Variants in ZNF541 observed in about 807,000 individuals in gnomAD.
The protein encoded by ZNF541 is zinc finger protein 541.
ZNF541 carries 23 observed loss-of-function variants against 123.5 expected under a neutral mutation model. That is an observed-to-expected ratio of 0.19 (90% confidence interval 0.13 to 0.26). ZNF541 has a LOEUF of 0.26. Among genes scored for constraint, ZNF541 ranks in the 10% least tolerant of loss-of-function variants. The pLI, the probability that ZNF541 is intolerant of heterozygous loss-of-function variation, is 1.00. For missense variants in ZNF541, 1,612 were observed against 1,789.9 expected, an observed-to-expected ratio of 0.90 and a Z score of 1.79; for synonymous variants, 751 against 754.5, an observed-to-expected ratio of 1.00 and a Z score of 0.08.
At chr19:47,556,696 A>C (rs960786652) in intron 2 of ZNF541, among the ~76,000 whole-genome samples, 2 of 152,072 alleles carry the variant, frequency 1.3e-5, no homozygotes, top group African/African-American at 4.8e-5. Context: ...CTTTGTACCC[A>C]AAAAAGTCAA....
In ZNF541 at chr19:47,545,281, G is replaced by C. The variant is rs1166517508; in HGVS notation, c.1248C>G (p.Leu416=). ...SQPSSHSFQW[L]RNLPGCPKSK... ...TTTTGGGACAGCCCGGCAGGTTCCG[G>C]AGCCACTGGAAGCTGTGGCTCGATG... The change falls in exon 5 of 17, where the codon CTC becomes CTG. Residue 416 remains leucine, a synonymous_variant. Transcript: ENST00000391901. The surrounding 1 kb of genome is among the most constrained non-coding windows in gnomAD (Gnocchi z 7.5). 1.3e-6 allele frequency: 2 copies of C among 1,549,536 alleles called. No individual in the cohort carries two copies. The highest frequency in any genetic ancestry group is 1.4e-5 in the African/African-American group (1 of 73,042).
At chr19:47,540,677 T>C (rs898702826) in intron 6 of ZNF541, among the ~76,000 whole-genome samples, 1 of 152,224 alleles carries the variant, frequency 6.6e-6, no homozygotes, top group Non-Finnish European at 1.5e-5. Context: ...TGACCTCAAA[T>C]GATCCCCCTG....
rs1323984708 is a variant in ZNF541 at position 47,521,951 on chromosome 19, A to T, written c.3614T>A (p.Ile1205Asn). 3 of 1,551,690 alleles carry T rather than the reference A, an allele frequency of 1.9e-6. No individual in the cohort carries two copies. The highest frequency in any genetic ancestry group is 2.6e-6 in the Non-Finnish European group (3 of 1,147,040). The stretch of plus-strand genomic sequence containing the variant: ...GTCAAACTTGATCATTTTTTTCCAG[A>T]TGTAATAATACTCAACGCACTGAGC... ...TVAQCVEYYY[I>N]WKKMIKFDCG... is the part of the protein sequence containing the mutation. The change falls in exon 15 of 17, where the codon ATC (isoleucine) becomes AAC (asparagine). Residue 1205 changes from isoleucine (I) to asparagine (N), a missense_variant. Coordinates refer to ENST00000391901, the MANE Select transcript of ZNF541 (RefSeq NM_001277075.3). The surrounding 1 kb of genome is among the most constrained non-coding windows in gnomAD (Gnocchi z 4.2).
chr19:47,532,214 G>A lies in ZNF541; in HGVS notation c.3215C>T (p.Ser1072Phe). The change falls in exon 11 of 17, where the codon TCC becomes TTC. Residue 1072 changes from serine to phenylalanine, a missense_variant. Around this residue, in one of 5 missense-constraint regions of ZNF541, gnomAD observed 285 missense variants for 407.3 expected, o/e 0.70. Coordinates refer to ENST00000391901, the MANE Select transcript of ZNF541 (RefSeq NM_001277075.3). ...QAEIPELQER[S>F]LAGTDEHVAS... is the part of the protein sequence containing the mutation. ...TACATGCTCGTCAGTTCCAGCCAGG[G>A]ATCTCTCCTGGAGTTCCGGGATCTC... The A allele has an allele frequency of 1.3e-6, 2 of 1,551,800 alleles. No homozygotes were observed. Among genetic ancestry groups the A allele is most frequent in the Non-Finnish European group, 1.7e-6 (2 of 1,147,022 alleles).
chr19:47,545,064 G>C lies in ZNF541; in HGVS notation c.1465C>G (p.Pro489Ala). The C allele has an allele frequency of 1.1e-5, 17 of 1,478,392 alleles. No individual in the cohort carries two copies. The highest frequency in any genetic ancestry group is 9.8e-6 in the Non-Finnish European group (11 of 1,118,444). 91.6% of individuals were successfully genotyped at this position (1,478,392 alleles called of 1,614,324 possible). Residue 489 changes from proline (P) to alanine (A), a missense_variant, in exon 5 of 17, where the codon CCC becomes GCC. Physicochemically the swap from Pro to Ala is conservative, Grantham distance 27 (BLOSUM62 -1). Around this residue, in one of 5 missense-constraint regions of ZNF541, gnomAD observed 1,080 missense variants for 1,013.8 expected, o/e 1.07. Coordinates refer to ENST00000391901, the MANE Select transcript of ZNF541 (RefSeq NM_001277075.3). This position sits in a 1 kb window ranked among gnomAD's most constrained non-coding sequence, Gnocchi z 7.5. ...TCATCTTCCCCGCTGGCCGACCTGGGGTCGCTCGGGGCCTCCGCGGGGACC... is the reference window on the plus strand; with the variant it reads ...TCATCTTCCCCGCTGGCCGACCTGGCGTCGCTCGGGGCCTCCGCGGGGACC... ...LRVPAEAPSDPRSASGEDDPC... is the reference protein window; with the variant it reads ...LRVPAEAPSDARSASGEDDPC...
chr19:47,560,393 C>T (rs1351186104), intron 2 of ZNF541, among the ~76,000 whole-genome samples: 1 of 151,802 alleles, frequency 6.6e-6, no homozygotes, highest in East Asian at 1.9e-4. Context: ...CTGGCCAACA[C>T]GGTGAAACTC....
rs181482443 is a variant in ZNF541, at chr19:47,538,475, G to T, written c.2797-36C>A. On this transcript the variant is annotated intron_variant, in intron 8 of 16. Transcript: ENST00000391901. Reference sequence around the variant, plus strand: ...TTAGAACCACAGGTGGTCGCCTGAAGCCACCTACTGCACCACTCCATCTCC... The same window carrying T: ...TTAGAACCACAGGTGGTCGCCTGAATCCACCTACTGCACCACTCCATCTCC... 25 of 1,455,598 alleles carry T rather than the reference G, an allele frequency of 1.7e-5. 1 individual carries two copies. In the South Asian group the frequency reaches 3.4e-4, roughly 20 times the overall value. 90.2% of individuals were successfully genotyped at this position (1,455,598 alleles called of 1,614,324 possible).
rs143925720 is a variant in ZNF541 at position 47,568,639 on chromosome 19, C to T, written c.-99+3257G>A. ...TATTACAGGTGCAAGCCACTGCACC[C>T]GGCCTGCAATTTCCTTCCTTACTTT... On this transcript the variant is annotated intron_variant, in intron 2 of 16. Transcript: ENST00000391901. Among the ~76,000 whole-genome samples, 832 of 152,022 alleles carry T rather than the reference C, an allele frequency of 5.5e-3. 5 individuals are homozygous for T. Among genetic ancestry groups the T allele is most frequent in the Non-Finnish European group, 9.5e-3 (643 of 67,956 alleles).
Position 47,542,641 on chromosome 19 carries a change from G to A in ZNF541, c.2403+1485C>T, listed in dbSNP as rs142787245. The stretch of plus-strand genomic sequence containing the variant: ...TACTCCAGCCTGGGCAACAGAGTGA[G>A]AGACTCCGTCTCAAAAATAAATTTG... On this transcript the variant is annotated intron_variant, in intron 5 of 16. Coordinates refer to ENST00000391901, the MANE Select transcript of ZNF541 (RefSeq NM_001277075.3). Among the ~76,000 whole-genome samples the A allele has an allele frequency of 3.2e-3, 494 of 152,108 alleles. 3 individuals are homozygous for A. Among genetic ancestry groups the A allele is most frequent in the African/African-American group, 0.011 (467 of 41,460 alleles).
At chr19:47,554,248 T>C (rs1272046474) in intron 3 of ZNF541, among the ~76,000 whole-genome samples, 3 of 152,080 alleles carry the variant, frequency 2.0e-5, no homozygotes, top group Admixed American at 6.6e-5. Flanking sequence ...CTGGGAAACA[T>C]AGTGAAACCC....
In ZNF541 at chr19:47,545,987, C is replaced by G. The variant is rs1970340237; in HGVS notation, c.549-7G>C. ...GGTGAGCATGTGCCCGGTCCTGGAG[C>G]CAGACACAAGCAGGGGCGTCACCGG... On this transcript the variant is annotated splice_region_variant and splice_polypyrimidine_tract_variant and intron_variant, in intron 4 of 16. Coordinates refer to ENST00000391901, the MANE Select transcript of ZNF541 (RefSeq NM_001277075.3). This position sits in a 1 kb window ranked among gnomAD's most constrained non-coding sequence, Gnocchi z 7.5. The G allele has an allele frequency of 6.9e-7, 1 of 1,453,714 alleles. No homozygotes were observed. 90.1% of individuals were successfully genotyped at this position (1,453,714 alleles called of 1,614,324 possible). A position where few individuals can be genotyped will look rare whatever the true frequency, so the allele number is the denominator to read the frequency against.
chr19:47,573,249 T>G (rs987903201), upstream of ZNF541, among the ~76,000 whole-genome samples: 39 of 151,522 alleles, frequency 2.6e-4, no homozygotes, highest in African/African-American at 9.4e-4. Flanking sequence ...GCGGGCCGCC[T>G]CACGCCTCCC....
chr19:47,543,273 T>G (rs1970160014), intron 5 of ZNF541, among the ~76,000 whole-genome samples: 1 of 151,768 alleles, frequency 6.6e-6, no homozygotes, highest in Admixed American at 6.6e-5. Context: ...CTAATTTTTT[T>G]TAAATTTTGG....
chr19:47,543,326 T>C (rs1970163161), intron 5 of ZNF541, among the ~76,000 whole-genome samples: 1 of 151,658 alleles, frequency 6.6e-6, no homozygotes, highest in African/African-American at 2.4e-5. Flanking sequence ...GGACATGGAG[T>C]CAGGAGACCT....
In ZNF541 at chr19:47,549,732, G is replaced by A. The variant is rs573739970; in HGVS notation, c.308-247C>T. Among the ~76,000 whole-genome samples, 131 of 152,258 alleles carry A rather than the reference G, an allele frequency of 8.6e-4. 1 individual carries two copies. Among genetic ancestry groups the A allele is most frequent in the African/African-American group, 3.1e-3 (128 of 41,546 alleles). On this transcript the variant is annotated intron_variant, in intron 3 of 16. Transcript: ENST00000391901. ...GACTGAAGCCCTTCCAGAGCAGCATGACCACAATGGGCTGGGCTTTATGAC... is the reference window on the plus strand; with the variant it reads ...GACTGAAGCCCTTCCAGAGCAGCATAACCACAATGGGCTGGGCTTTATGAC...
rs372849278 is a variant in ZNF541 at position 47,542,672 on chromosome 19, G to C, written c.2403+1454C>G. Among the ~76,000 whole-genome samples the C allele has an allele frequency of 3.3e-5, 5 of 151,708 alleles. No individual in the cohort carries two copies. In the South Asian group the frequency reaches 6.2e-4, roughly 19 times the overall value. On this transcript the variant is annotated intron_variant, in intron 5 of 16. Coordinates refer to ENST00000391901, the MANE Select transcript of ZNF541 (RefSeq NM_001277075.3). ...CCGTCTCAAAAATAAATTTGGCCAGGCACAGTGGCTCACACCTGCAATCTC... is the reference window on the plus strand; with the variant it reads ...CCGTCTCAAAAATAAATTTGGCCAGCCACAGTGGCTCACACCTGCAATCTC...
chr19:47,521,389 C>T lies in ZNF541; in HGVS notation c.3888-12G>A, dbSNP rs114545922. 6.4e-7 allele frequency: 1 copy of T among 1,551,530 alleles called. No individual in the cohort carries two copies. The highest frequency in any genetic ancestry group is 1.4e-5 in the African/African-American group (1 of 73,028). On this transcript the variant is annotated splice_polypyrimidine_tract_variant and intron_variant, in intron 16 of 16. Coordinates refer to ENST00000391901, the MANE Select transcript of ZNF541 (RefSeq NM_001277075.3). This position sits in a 1 kb window ranked among gnomAD's most constrained non-coding sequence, Gnocchi z 4.2. The stretch of plus-strand genomic sequence containing the variant: ...TCTTGTCAAACACCCTGAGGAGTCA[C>T]CAGAGGACATGGGGTCAGAGCAGGG...
intron 6 of ZNF541, 65 bp from the exon 7 acceptor site, chr19:47,540,400 G>T: frequency 2.1e-5 from 29 of 1,397,496 alleles, no homozygotes; most frequent in Admixed American, 6.1e-5. Flanking sequence ...CTGATTTTTT[G>T]TTGTTTTTTT....
chr19:47,552,403 G>A (rs1455773957), intron 3 of ZNF541, among the ~76,000 whole-genome samples: 1 of 152,026 alleles, frequency 6.6e-6, no homozygotes, highest in Non-Finnish European at 1.5e-5. Flanking sequence ...AACTTGCTTG[G>A]CCTTTGTCTT....
Sources: allele counts gnomAD v4.1 joint callset (sites outside exome capture counted in the v4.1 genomes callset), GRCh38; gene constraint gnomAD v4.1.1; regional missense constraint gnomAD v4.1.1; non-coding constraint Gnocchi (gnomAD v3.1); transcripts MANE v1.5; gene names NCBI Gene and HGNC (gene_info 2026-07-23, HGNC 2026-07-21).